The following INTS6 variants were observed in gnomAD, a reference collection of about 807,000 sequenced individuals.
INTS6 encodes DEAD box protein.
A neutral mutation model predicts 104.9 loss-of-function variants in INTS6; 16 were observed. That is an observed-to-expected ratio of 0.15 (90% CI 0.10 to 0.23). The LOEUF is 0.23. Among genes scored for constraint, INTS6 ranks in the 10% least tolerant of loss-of-function variants. The pLI is 1.00. For synonymous variants in INTS6, 324 were observed against 358.7 expected, an observed-to-expected ratio of 0.90 and a Z score of 1.09; for missense variants, 584 against 1,062.8, an observed-to-expected ratio of 0.55 and a Z score of 6.26.
Position 51,364,333 on chromosome 13 carries a change from C to A in INTS6, c.*1419G>T, listed in dbSNP as rs150478548. On this transcript the variant is annotated 3_prime_UTR_variant, in exon 18 of 18. Coordinates refer to ENST00000311234, the MANE Select transcript of INTS6 (RefSeq NM_012141.3). ...GCTTTTCTTCATAAAGTTATAATTT[C>A]ATTTTGCTATACCCTTGAAATTTAA... 9.3e-7 allele frequency: 1 copy of A among 1,077,762 alleles called. No homozygotes were observed. Among genetic ancestry groups the A allele is most frequent in the African/African-American group, 1.6e-5 (1 of 62,516 alleles). The allele number at this position is 1,077,762 out of a possible 1,614,324, so 66.8% of individuals were successfully genotyped here. A position where few individuals can be genotyped will look rare whatever the true frequency, so the allele number is the denominator to read the frequency against.
At chr13:51,375,371 A>T (rs1463253622) in intron 13 of INTS6, among the ~76,000 whole-genome samples, 2 of 147,304 alleles carry the variant, frequency 1.4e-5, no homozygotes, top group Non-Finnish European at 3.0e-5. Context: ...AAAAAAAAGT[A>T]TGTGTGATCT....
the INTS6 span, among the ~76,000 whole-genome samples, chr13:51,345,893 G>A: frequency 6.6e-6 from 1 of 152,224 alleles, no homozygotes; most frequent in Non-Finnish European, 1.5e-5. Context: ...TCAGAGCACA[G>A]AGTCCAGAGC....
chr13:51,337,406 AC>A, the INTS6 span, among the ~76,000 whole-genome samples: 1 of 152,254 alleles, frequency 6.6e-6, no homozygotes, highest in African/African-American at 2.4e-5. Context: ...ATAGCAGTCT[AC>A]CTACAGGTGA....
At chr13:51,368,185 A>G (rs1955730548) in intron 16 of INTS6, among the ~76,000 whole-genome samples, 1 of 152,156 alleles carries the variant, frequency 6.6e-6, no homozygotes, top group African/African-American at 2.4e-5. Flanking sequence ...TGGTAGTATC[A>G]CTAAAAAATA....
chr13:51,405,879 G>A (rs1217455071), intron 4 of INTS6, among the ~76,000 whole-genome samples: 1 of 152,138 alleles, frequency 6.6e-6, no homozygotes, highest in African/African-American at 2.4e-5. Flanking sequence ...ATAAACTGTT[G>A]TTTTAAGTCA....
intron 4 of INTS6, among the ~76,000 whole-genome samples, chr13:51,407,046 A>C (rs115173846): frequency 6.6e-6 from 1 of 151,746 alleles, no homozygotes; most frequent in Non-Finnish European, 1.5e-5. Context: ...GCCTTCTTTC[A>C]GTTCTTCATT....
intron 4 of INTS6, among the ~76,000 whole-genome samples, chr13:51,428,566 T>C (rs1330913171): frequency 6.6e-6 from 1 of 151,952 alleles, no homozygotes; most frequent in Non-Finnish European, 1.5e-5. Flanking sequence ...ATCTCATGTC[T>C]GCCCGCCTCA....
chr13:51,368,898 T>C (rs760740910), intron 16 of INTS6, 41 bp downstream of exon 16: 3 of 1,514,322 alleles, frequency 2.0e-6, no homozygotes, highest in Non-Finnish European at 1.8e-6. Context: ...TTTGAGCACA[T>C]ACAGAAATCA....
At chr13:51,445,804 G>C (rs1952904126) in intron 3 of INTS6, 1 of 152,176 alleles carries the variant, frequency 6.6e-6, no homozygotes, top group African/African-American at 2.4e-5. Flanking sequence ...CAAAAGTTCA[G>C]GGATTTGCAG....
At chr13:51,441,511 T>C (rs185360267) in intron 3 of INTS6, 5 of 152,246 alleles carry the variant, frequency 3.3e-5, no homozygotes, top group Admixed American at 2.0e-4. Context: ...TCTTAAGATA[T>C]AATGCTTAGA....
Position 51,376,031 on chromosome 13 carries a change from T to C in INTS6, c.1729+17A>G. 1 of 1,582,170 alleles carries C rather than the reference T, an allele frequency of 6.3e-7. No homozygotes were observed. Among genetic ancestry groups the C allele is most frequent in the Non-Finnish European group, 8.6e-7 (1 of 1,168,458 alleles). On this transcript the variant is annotated intron_variant, in intron 13 of 17. Transcript: ENST00000311234. ...GAAAAAAAATTAAAAATACCAGTATTGAAACTATGTTCTAACCTTCGTCCT... is the reference window on the plus strand; with the variant it reads ...GAAAAAAAATTAAAAATACCAGTATCGAAACTATGTTCTAACCTTCGTCCT...
intron 15 of INTS6, among the ~76,000 whole-genome samples, chr13:51,372,305 G>GT (rs35562726): frequency 0.13 from 18,462 of 139,038 alleles, 1,335 homozygotes; most frequent in South Asian, 0.26. Flanking sequence ...TGATTGAACA[G>GT]TTTTTTTTTT....
the INTS6 span, among the ~76,000 whole-genome samples, chr13:51,347,958 C>CT: frequency 5.7e-5 from 5 of 88,420 alleles, no homozygotes; most frequent in Admixed American, 1.0e-4. Flanking sequence ...TGCCATCGTC[C>CT]CCCCCCCCAT....
chr13:51,428,595 A>G (rs899806921), intron 4 of INTS6, among the ~76,000 whole-genome samples: 1 of 152,098 alleles, frequency 6.6e-6, no homozygotes, highest in Admixed American at 6.5e-5. Flanking sequence ...AAGTGCTGAG[A>G]TTACAGGTGT....
rs751230235 is a variant in INTS6 at position 51,451,959 on chromosome 13, G to GGAGGGC, written c.189+13_189+18dup. 1 of 1,595,632 alleles carries GGAGGGC rather than the reference G, an allele frequency of 6.3e-7. No homozygotes were observed. Among genetic ancestry groups the GGAGGGC allele is most frequent in the Non-Finnish European group, 8.6e-7 (1 of 1,166,306 alleles). The stretch of plus-strand genomic sequence containing the variant: ...ACAGGGAAGGGAAGGGAGGAAAGGG[G>GGAGGGC]GAGGGCGAGGGCTGTTACCTTGATA... On this transcript the variant is annotated intron_variant, in intron 2 of 17. Transcript: ENST00000311234.
At chr13:51,360,622 A>G (rs1472984770), downstream of INTS6, among the ~76,000 whole-genome samples, 2 of 152,082 alleles carry the variant, frequency 1.3e-5, no homozygotes, top group Non-Finnish European at 2.9e-5. Flanking sequence ...AGCACATAGA[A>G]CATTTATACT....
chr13:51,336,085 AAAGT>A, the INTS6 span, among the ~76,000 whole-genome samples: 32 of 152,348 alleles, frequency 2.1e-4, no homozygotes, highest in South Asian at 8.3e-4. Flanking sequence ...ACATAATAAC[AAAGT>A]AAGTTATTAA....
chr13:51,431,232 T>C (rs757562109), intron 3 of INTS6, among the ~76,000 whole-genome samples: 34 of 152,206 alleles, frequency 2.2e-4, no homozygotes, highest in Non-Finnish European at 4.4e-4. Flanking sequence ...CCAAAGGATA[T>C]AAATTTCAAG....
the INTS6 span, among the ~76,000 whole-genome samples, chr13:51,345,798 G>A: frequency 2.3e-4 from 35 of 152,268 alleles, 1 homozygote; most frequent in Non-Finnish European, 4.7e-4. Context: ...TCACATCCTT[G>A]TGCTGCCAGG....
Sources: allele counts gnomAD v4.1 joint callset (sites outside exome capture counted in the v4.1 genomes callset), GRCh38; gene constraint gnomAD v4.1.1; transcripts MANE v1.5; gene names NCBI Gene and HGNC (gene_info 2026-07-23, HGNC 2026-07-21).